Variants in HSD17B14 observed in about 807,000 individuals in gnomAD.
HSD17B14 encodes the protein hydroxysteroid 17-beta dehydrogenase 14.
Under a neutral mutation model 32.2 loss-of-function variants are expected in HSD17B14, and 32 were observed. That is an observed-to-expected ratio of 0.99 (90% CI 0.75 to 1.33). The LOEUF (loss-of-function observed/expected upper bound fraction) is 1.33. Ranked by LOEUF, HSD17B14 falls within the 40% of genes most tolerant of loss-of-function variation. The pLI, the probability that HSD17B14 is intolerant of heterozygous loss-of-function variation, is 0.00. For missense variants in HSD17B14, 370 were observed against 366.5 expected, an observed-to-expected ratio of 1.01 and a Z score of -0.08; for synonymous variants, 140 against 155.4, an observed-to-expected ratio of 0.90 and a Z score of 0.74.
At chr19:48,832,643 G>A (rs2035360619) in intron 4 of HSD17B14, 23 bp downstream of exon 4, 1 of 1,607,550 alleles carries the variant, frequency 6.2e-7, no homozygotes, top group Non-Finnish European at 8.5e-7. Flanking sequence ...GGTGGAGAAT[G>A]GCCCTGGGGT....
At chr19:48,835,250 G>C in intron 2 of HSD17B14, among the ~76,000 whole-genome samples, 1 of 49,942 alleles carries the variant, frequency 2.0e-5, no homozygotes, top group Admixed American at 1.7e-4. Flanking sequence ...TGGGTCTGAG[G>C]GAGGAGGGGC....
intron 5 of HSD17B14, among the ~76,000 whole-genome samples, chr19:48,818,244 G>C (rs1463084795): frequency 2.0e-5 from 3 of 150,666 alleles, no homozygotes; most frequent in African/African-American, 4.9e-5. Context: ...CCGGGAGGCA[G>C]AGGTTGCAGT....
At chr19:48,822,410 ATGG>A (rs1233717100) in intron 5 of HSD17B14, among the ~76,000 whole-genome samples, 3 of 148,478 alleles carry the variant, frequency 2.0e-5, no homozygotes, top group Admixed American at 6.7e-5. Flanking sequence ...TGTGGTAATG[ATGG>A]TGGTGATGAT....
intron 5 of HSD17B14, among the ~76,000 whole-genome samples, chr19:48,824,211 T>C (rs928422741): frequency 7.2e-4 from 9 of 12,566 alleles, no homozygotes; most frequent in African/African-American, 6.0e-3. Flanking sequence ...GCCAAGATCA[T>C]GCCATTGCAC....
chr19:48,833,288 T>G (rs1599844348), intron 3 of HSD17B14, among the ~76,000 whole-genome samples: 2 of 146,952 alleles, frequency 1.4e-5, no homozygotes, highest in Non-Finnish European at 3.0e-5. Context: ...GGCAGGGGGG[T>G]GACAAGGATT....
chr19:48,825,890 G>A (rs1022052326), intron 5 of HSD17B14, among the ~76,000 whole-genome samples: 4 of 151,712 alleles, frequency 2.6e-5, no homozygotes, highest in Non-Finnish European at 4.4e-5. Flanking sequence ...GCGCGATCTC[G>A]GCTCACTGCA....
intron 5 of HSD17B14, among the ~76,000 whole-genome samples, chr19:48,829,543 G>A (rs2035302457): frequency 6.6e-6 from 1 of 151,340 alleles, no homozygotes; most frequent in African/African-American, 2.4e-5. Flanking sequence ...GTAGAGATGG[G>A]GTTTCACCAT....
At chr19:48,830,607 C>G (rs989678023) in intron 5 of HSD17B14, among the ~76,000 whole-genome samples, 1 of 151,990 alleles carries the variant, frequency 6.6e-6, no homozygotes, top group African/African-American at 2.4e-5. Flanking sequence ...TGGCGTTTCT[C>G]TATAACTCGC....
chr19:48,817,861 G>C (rs1448244549), intron 5 of HSD17B14, among the ~76,000 whole-genome samples: 2 of 152,186 alleles, frequency 1.3e-5, no homozygotes, highest in African/African-American at 4.8e-5. Flanking sequence ...AGGAGGTACA[G>C]CTGAGAGTCC....
intron 5 of HSD17B14, among the ~76,000 whole-genome samples, chr19:48,820,082 G>C (rs1385802152): frequency 1.3e-5 from 2 of 152,132 alleles, no homozygotes; most frequent in Admixed American, 6.6e-5. Flanking sequence ...ACTTGAGCCT[G>C]GTAGGTCAGG....
Position 48,832,679 on chromosome 19 carries a change from G to A in HSD17B14, c.264C>T (p.Asn88=), listed in dbSNP as rs779545107. ...CTCACAACTCACGGTGGCCAGCGTT[G>A]TTGACAACACAATCCAGGCGGCCAA... The part of the protein sequence containing the change: ...RRFGRLDCVV[N]NAGHHPPPQR... Residue 88 remains asparagine (N), a synonymous_variant, in exon 4 of 9, where the codon AAC becomes AAT. Transcript: ENST00000263278. 1 of 1,613,526 alleles carries A rather than the reference G, an allele frequency of 6.2e-7. No individual in the cohort carries two copies. Among genetic ancestry groups the A allele is most frequent in the South Asian group, 1.1e-5 (1 of 90,814 alleles).
chr19:48,823,719 C>A (rs1010671040), intron 5 of HSD17B14, among the ~76,000 whole-genome samples: 1 of 150,814 alleles, frequency 6.6e-6, no homozygotes, highest in East Asian at 2.0e-4. Context: ...CCACTGCAAC[C>A]TCCACCTCCC....
intron 3 of HSD17B14, among the ~76,000 whole-genome samples, chr19:48,833,238 G>A (rs1361412116): frequency 6.6e-6 from 1 of 151,162 alleles, no homozygotes; most frequent in Admixed American, 6.6e-5. Flanking sequence ...GGGCTGGTCA[G>A]AGCCACACTG....
At chr19:48,817,483 A>G (rs2035076997) in intron 5 of HSD17B14, among the ~76,000 whole-genome samples, 1 of 151,934 alleles carries the variant, frequency 6.6e-6, no homozygotes, top group Admixed American at 6.6e-5. Context: ...CTGGCCCCAA[A>G]AAATAAAATA....
At chr19:48,828,058 G>A (rs143630831) in intron 5 of HSD17B14, among the ~76,000 whole-genome samples, 2,401 of 151,848 alleles carry the variant, frequency 0.016, 69 homozygotes, top group African/African-American at 0.055. Context: ...GTTTCACCGC[G>A]TTAGCCAAGA....
chr19:48,834,134 A>C, intron 3 of HSD17B14, 142 bp downstream of exon 3: 1 of 667,252 alleles, frequency 1.5e-6, no homozygotes, highest in South Asian at 1.7e-5. Context: ...GTGTGGAGTG[A>C]CACTGGGTGG....
intron 5 of HSD17B14, among the ~76,000 whole-genome samples, chr19:48,826,242 G>A (rs942961871): frequency 9.2e-5 from 14 of 151,460 alleles, no homozygotes; most frequent in East Asian, 5.9e-4. Flanking sequence ...CCTGTAATCC[G>A]AGCACTTTGG....
At position 48,829,444 on chromosome 19, in the gene HSD17B14, C is replaced by A. The variant is rs148407039; in HGVS notation, c.369+2224G>T. 2.8e-3 allele frequency among the ~76,000 whole-genome samples: 418 copies of A among 151,866 alleles called. 7 individuals carry two copies. The East Asian group carries it at 0.054, about 20-fold the overall frequency. Reference sequence around the variant, plus strand: ...TCAGCTCACTGCAACCTCCACCTCCCAGGTTCAAGCAATTCTACCGCCTCA... The same window carrying A: ...TCAGCTCACTGCAACCTCCACCTCCAAGGTTCAAGCAATTCTACCGCCTCA... On this transcript the variant is annotated intron_variant, in intron 5 of 8. Coordinates refer to ENST00000263278, the MANE Select transcript of HSD17B14 (RefSeq NM_016246.3).
At chr19:48,828,044 C>T (rs1482568663) in intron 5 of HSD17B14, among the ~76,000 whole-genome samples, 4 of 151,806 alleles carry the variant, frequency 2.6e-5, no homozygotes, top group Admixed American at 2.0e-4. Context: ...TTAGTAGAGA[C>T]GGGGTTTCAC....
Sources: allele counts gnomAD v4.1 joint callset (sites outside exome capture counted in the v4.1 genomes callset), GRCh38; gene constraint gnomAD v4.1.1; transcripts MANE v1.5; gene names NCBI Gene and HGNC (gene_info 2026-07-23, HGNC 2026-07-21).